The following ADD3 variants were observed in gnomAD, a reference collection of about 807,000 sequenced individuals.
The protein encoded by ADD3 is gamma-adducin.
ADD3 carries 25 observed loss-of-function variants against 80.2 expected under a neutral mutation model. The observed-to-expected ratio is 0.31, with a 90% CI of 0.23 to 0.44. The LOEUF (loss-of-function observed/expected upper bound fraction) is 0.44, where lower values mean the gene tolerates loss of function less well. Among genes scored for constraint, ADD3 ranks in the 20% least tolerant of loss-of-function variants. The pLI is 1.00. For synonymous variants in ADD3, 284 were observed against 289.6 expected, an observed-to-expected ratio of 0.98 and a Z score of 0.20; for missense variants, 829 against 847.5, an observed-to-expected ratio of 0.98 and a Z score of 0.27.
intron 1 of ADD3, among the ~76,000 whole-genome samples, chr10:110,074,657 A>G (rs969615275): frequency 9.2e-5 from 14 of 152,040 alleles, no homozygotes; most frequent in Non-Finnish European, 1.8e-4. Flanking sequence ...TCTTTTTGCT[A>G]ACTTTCATAA....
At chr10:110,043,137 A>G (rs2133315604) in intron 1 of ADD3, among the ~76,000 whole-genome samples, 1 of 152,336 alleles carries the variant, frequency 6.6e-6, no homozygotes, top group Non-Finnish European at 1.5e-5. Flanking sequence ...TGTTTCAATT[A>G]TGTCCTGAAG....
chr10:110,097,562 GT>G (rs1848315046), intron 1 of ADD3, among the ~76,000 whole-genome samples: 2 of 152,072 alleles, frequency 1.3e-5, no homozygotes, highest in Non-Finnish European at 2.9e-5. Flanking sequence ...CCATAACCAT[GT>G]TGTAATTATC....
At chr10:110,132,239 C>A in intron 13 of ADD3, 66 bp from the exon 14 acceptor site, 1 of 1,124,292 alleles carries the variant, frequency 8.9e-7, no homozygotes, top group Non-Finnish European at 1.3e-6. Context: ...ATGCACTAAC[C>A]TCCCTAAAAT....
intron 1 of ADD3, among the ~76,000 whole-genome samples, chr10:110,022,706 C>T (rs758678662): frequency 1.2e-4 from 18 of 152,116 alleles, no homozygotes; most frequent in Non-Finnish European, 2.1e-4. Context: ...CACAAACCTG[C>T]GAGCTATACT....
intron 1 of ADD3, among the ~76,000 whole-genome samples, chr10:110,078,130 G>A (rs576439489): frequency 6.6e-6 from 1 of 152,320 alleles, no homozygotes; most frequent in South Asian, 2.1e-4. Flanking sequence ...TTACTTGGTA[G>A]TAATTGGATT....
At chr10:110,036,578 C>A (rs1207360719) in intron 1 of ADD3, among the ~76,000 whole-genome samples, 1 of 151,914 alleles carries the variant, frequency 6.6e-6, no homozygotes, top group African/African-American at 2.4e-5. Flanking sequence ...CGGGGTTTCA[C>A]CGTAAGGATG....
intron 2 of ADD3, among the ~76,000 whole-genome samples, chr10:110,111,545 A>T (rs1294421878): frequency 1.3e-5 from 2 of 152,180 alleles, no homozygotes; most frequent in Non-Finnish European, 2.9e-5. Flanking sequence ...TGTTTCTGCC[A>T]CTACCTCACC....
At chr10:110,063,778 TATATAA>T (rs1226020825) in intron 1 of ADD3, among the ~76,000 whole-genome samples, 6 of 104,128 alleles carry the variant, frequency 5.8e-5, no homozygotes, top group African/African-American at 1.8e-4. Context: ...TATATATATA[TATATAA>T]AGTGAACACC....
rs1179738500 is a variant in ADD3 at position 110,130,382 on chromosome 10, A to G, written c.1628A>G (p.Asp543Gly). 1.9e-6 allele frequency: 3 copies of G among 1,613,948 alleles called. No homozygotes were observed. The highest frequency in any genetic ancestry group is 8.5e-7 in the Non-Finnish European group (1 of 1,179,968). ...KPPSTMQFED[D>G]DHGPPAPPNP... The stretch of plus-strand genomic sequence containing the variant: ...TGTAAGACTATGCAATTTGAAGATG[A>G]TGATCATGGCCCACCAGCTCCTCCT... Residue 543 changes from aspartate to glycine, a missense_variant, in exon 13 of 15, where the codon GAT becomes GGT. Coordinates refer to ENST00000356080, the MANE Select transcript of ADD3 (RefSeq NM_016824.5).
At chr10:110,093,493 A>G (rs891868894) in intron 1 of ADD3, among the ~76,000 whole-genome samples, 5 of 152,202 alleles carry the variant, frequency 3.3e-5, no homozygotes, top group African/African-American at 1.2e-4. Flanking sequence ...AGCACAGTCA[A>G]TGTCATTTTG....
chr10:110,099,237 A>G (rs1848529772), intron 1 of ADD3, among the ~76,000 whole-genome samples: 1 of 151,410 alleles, frequency 6.6e-6, no homozygotes, highest in South Asian at 2.1e-4. Context: ...CTTAAACTCT[A>G]TTTAAAAAAA....
intron 1 of ADD3, among the ~76,000 whole-genome samples, chr10:110,043,274 A>G (rs1856570986): frequency 1.3e-5 from 2 of 152,354 alleles, no homozygotes; most frequent in South Asian, 2.1e-4. Flanking sequence ...CTTTAGAGAA[A>G]TCTATAACTT....
chr10:110,010,885 C>T (rs562235637), intron 1 of ADD3, among the ~76,000 whole-genome samples: 27 of 152,302 alleles, frequency 1.8e-4, no homozygotes, highest in African/African-American at 6.5e-4. Context: ...ATCAGGTGCA[C>T]ATGTCTTGTT....
upstream of ADD3, among the ~76,000 whole-genome samples, chr10:110,002,773 T>C (rs1170316139): frequency 6.6e-6 from 1 of 152,242 alleles, no homozygotes; most frequent in Non-Finnish European, 1.5e-5. Flanking sequence ...GATATTTCAT[T>C]AAAGTTTCAG....
At chr10:110,011,152 A>G (rs1477870048) in intron 1 of ADD3, among the ~76,000 whole-genome samples, 1 of 149,728 alleles carries the variant, frequency 6.7e-6, no homozygotes, top group African/African-American at 2.5e-5. Flanking sequence ...ACTAATTCCC[A>G]TTGGAGATTC....
chr10:110,025,465 C>T (rs1416605674), intron 1 of ADD3, among the ~76,000 whole-genome samples: 2 of 152,168 alleles, frequency 1.3e-5, no homozygotes, highest in African/African-American at 4.8e-5. Context: ...AGTAAGGGGT[C>T]TCTAGGCTTG....
At chr10:110,017,941 A>G (rs2133049289) in intron 1 of ADD3, among the ~76,000 whole-genome samples, 1 of 152,322 alleles carries the variant, frequency 6.6e-6, no homozygotes, top group Middle Eastern at 3.4e-3. Flanking sequence ...AAAAGCTTCT[A>G]AAATTGCAGT....
chr10:110,085,902 T>A (rs1448993983), intron 1 of ADD3, among the ~76,000 whole-genome samples: 3 of 150,896 alleles, frequency 2.0e-5, no homozygotes, highest in Admixed American at 6.6e-5. Flanking sequence ...GGTCGGGAGT[T>A]CGAGTCCAGC....
chr10:110,016,982 A>G (rs1354120225), intron 1 of ADD3, among the ~76,000 whole-genome samples: 1 of 152,168 alleles, frequency 6.6e-6, no homozygotes, highest in Non-Finnish European at 1.5e-5. Context: ...TGATTGTTAC[A>G]TATTTATATA....
Sources: gnomAD v4.1 joint callset for allele counts (sites outside exome capture counted in the v4.1 genomes callset) on GRCh38, gnomAD v4.1.1 for gene constraint, MANE v1.5 for transcripts, NCBI Gene and HGNC (gene_info 2026-07-23, HGNC 2026-07-21) for gene names.